Variants in POLA2 observed in about 807,000 individuals in gnomAD.
POLA2 encodes DNA polymerase alpha 2, accessory subunit.
A neutral mutation model predicts 82.8 loss-of-function variants in POLA2; 47 were observed. That is an observed-to-expected ratio of 0.57 (90% CI 0.45 to 0.72). The LOEUF (loss-of-function observed/expected upper bound fraction) is 0.72, where lower values mean the gene tolerates loss of function less well. Ranked by LOEUF, POLA2 falls within the 30% of genes least tolerant of loss-of-function variation. POLA2 has a pLI of 0.00. For missense variants in POLA2, 634 were observed against 728.1 expected, an observed-to-expected ratio of 0.87 and a Z score of 1.49; for synonymous variants, 287 against 286.8, an observed-to-expected ratio of 1.00 and a Z score of -0.01.
At chr11:65,281,258 G>C in intron 8 of POLA2, 111 bp downstream of exon 8, 1 of 1,121,626 alleles carries the variant, frequency 8.9e-7, no homozygotes, top group Non-Finnish European at 1.3e-6. Flanking sequence ...GCCATGGGGT[G>C]CAGCTGGAGC....
At chr11:65,303,879 C>T (rs1949871678) in intron 8 of POLA2, among the ~76,000 whole-genome samples, 1 of 152,202 alleles carries the variant, frequency 6.6e-6, no homozygotes, top group Non-Finnish European at 1.5e-5. Flanking sequence ...GGTTGGGGGT[C>T]TCTCCTCGGC....
chr11:65,293,349 C>G (rs1169965498), intron 13 of POLA2, among the ~76,000 whole-genome samples: 1 of 152,108 alleles, frequency 6.6e-6, no homozygotes, highest in Non-Finnish European at 1.5e-5. Flanking sequence ...GTGGCTCACA[C>G]ATGTAATCCC....
chr11:65,303,452 G>C (rs1411164073), downstream of POLA2, among the ~76,000 whole-genome samples: 1 of 152,088 alleles, frequency 6.6e-6, no homozygotes, highest in Non-Finnish European at 1.5e-5. Flanking sequence ...AGCCCAGGCA[G>C]TGGAGATTGC....
At chr11:65,276,220 C>T (rs996017518) in intron 5 of POLA2, among the ~76,000 whole-genome samples, 1 of 152,178 alleles carries the variant, frequency 6.6e-6, no homozygotes, top group Admixed American at 6.5e-5. Context: ...TCACTTTCCA[C>T]CCACTTTTCT....
intron 1 of POLA2, among the ~76,000 whole-genome samples, 157 bp downstream of exon 1, chr11:65,262,528 G>T (rs904779477): frequency 6.6e-6 from 1 of 152,188 alleles, no homozygotes; most frequent in Non-Finnish European, 1.5e-5. Context: ...TGAGTTTTGA[G>T]ATTTAGGATG....
chr11:65,271,916 A>G (rs1203408215), intron 4 of POLA2, among the ~76,000 whole-genome samples: 1 of 152,114 alleles, frequency 6.6e-6, no homozygotes, highest in Non-Finnish European at 1.5e-5. Flanking sequence ...AGCAAACAAT[A>G]TGTCCAGGCT....
intron 10 of POLA2, among the ~76,000 whole-genome samples, chr11:65,283,652 A>G (rs1949664479): frequency 6.7e-6 from 1 of 150,174 alleles, no homozygotes; most frequent in African/African-American, 2.5e-5. Context: ...TTTTTACAAA[A>G]CCCCATAGTG....
chr11:65,294,046 G>A (rs1438611292), intron 13 of POLA2, 107 bp from the exon 14 acceptor site: 9 of 879,774 alleles, frequency 1.0e-5, no homozygotes, highest in Admixed American at 1.7e-5. Flanking sequence ...TGCCTCCCTC[G>A]GGGTGGGCTC....
chr11:65,295,504 CAG>C, intron 15 of POLA2, 34 bp from the exon 16 acceptor site: 2 of 1,582,786 alleles, frequency 1.3e-6, no homozygotes, highest in Non-Finnish European at 8.7e-7. Flanking sequence ...GGCTGAAAAA[CAG>C]AGTTCTGTTT....
At chr11:65,266,444 T>A (rs1259119533) in intron 1 of POLA2, 138 bp from the exon 2 acceptor site, 4 of 824,022 alleles carry the variant, frequency 4.9e-6, no homozygotes, top group Non-Finnish European at 7.7e-6. Flanking sequence ...TTCTGTTTTC[T>A]CATTGCCCAA....
At position 65,282,540 on chromosome 11, in the gene POLA2, A is replaced by G. The variant is rs1179614097; in HGVS notation, c.1006+19A>G. The G allele has an allele frequency of 3.7e-6, 6 of 1,606,446 alleles. No individual in the cohort carries two copies. Among genetic ancestry groups the G allele is most frequent in the Non-Finnish European group, 5.1e-6 (6 of 1,173,134 alleles). On this transcript the variant is annotated intron_variant, in intron 10 of 17. Coordinates refer to ENST00000265465, the MANE Select transcript of POLA2 (RefSeq NM_002689.4). ...GATGCAGGTGAGTTTCGGTTCAAATATTGTTTTGCCAACAATGAGGATGGT... is the reference window on the plus strand; with the variant it reads ...GATGCAGGTGAGTTTCGGTTCAAATGTTGTTTTGCCAACAATGAGGATGGT...
chr11:65,281,204 G>A (rs533198509), intron 8 of POLA2, 57 bp downstream of exon 8: 127 of 1,564,354 alleles, frequency 8.1e-5, no homozygotes, highest in Non-Finnish European at 1.1e-4. Context: ...CTGTAGTGTA[G>A]GTGCTGTGCC....
rs768761497 is a variant in POLA2 at position 65,262,119 on chromosome 11, G to A, written c.-174G>A. 1.7e-6 allele frequency: 1 copy of A among 592,202 alleles called. No individual in the cohort carries two copies. The highest frequency in any genetic ancestry group is 3.0e-6 in the Non-Finnish European group (1 of 331,466). 36.7% of individuals were successfully genotyped at this position (592,202 alleles called of 1,614,324 possible). On this transcript the variant is annotated 5_prime_UTR_variant, in exon 1 of 18. Coordinates refer to ENST00000265465, the MANE Select transcript of POLA2 (RefSeq NM_002689.4). ...AAAAAGTATTTCTCTGTGACCGACGGCCGGGGCCTTCTGACGGTCTGAGGT... is the reference window on the plus strand; with the variant it reads ...AAAAAGTATTTCTCTGTGACCGACGACCGGGGCCTTCTGACGGTCTGAGGT...
intron 16 of POLA2, 76 bp from the exon 17 acceptor site, chr11:65,295,788 A>T (rs1949803822): frequency 6.5e-7 from 1 of 1,546,300 alleles, no homozygotes; most frequent in Admixed American, 1.7e-5. Context: ...CACGAAAGCC[A>T]GTACCTAGGG....
rs145657735 is a variant in POLA2 at position 65,271,935 on chromosome 11, G to A, written c.354+3206G>A. ...AACAATATGTCCAGGCTAGAGATAC[G>A]TAAAATGCTTAGAACAGTACTTATC... is the stretch of plus-strand genomic sequence containing the variant. On this transcript the variant is annotated intron_variant, in intron 4 of 17. Transcript: ENST00000265465. Among the ~76,000 whole-genome samples, 25 of 152,122 alleles carry A rather than the reference G, an allele frequency of 1.6e-4. 1 individual carries two copies. In the East Asian group the frequency reaches 2.7e-3, roughly 16 times the overall value.
At chr11:65,299,009 G>A (rs373498312), downstream of POLA2, among the ~76,000 whole-genome samples, 6 of 152,224 alleles carry the variant, frequency 3.9e-5, no homozygotes, top group African/African-American at 7.2e-5. Context: ...TCTGGCAGGC[G>A]TGCCTCTGCC....
intron 8 of POLA2, chr11:65,305,229 G>A (rs957196425): frequency 2.8e-5 from 11 of 393,584 alleles, no homozygotes; most frequent in African/African-American, 1.3e-4. Flanking sequence ...AAAGCTGCCC[G>A]GCACCACCTC....
Position 65,289,051 on chromosome 11 carries a change from T to G in POLA2, c.1133T>G (p.Phe378Cys). ...GTGTCTTTGTTTCTCCCCTTGCAGT[T>G]TGGCCCTTTCCTGGATGCTAAGCAT... is the stretch of plus-strand genomic sequence containing the variant. Reference protein sequence around the residue: ...NHDRPDVCILFGPFLDAKHEQ... With the variant: ...NHDRPDVCILCGPFLDAKHEQ... Residue 378 changes from phenylalanine to cysteine, a missense_variant and splice_region_variant, in exon 12 of 18, where the codon TTT (phenylalanine) becomes TGT (cysteine). By Grantham distance (205) the Phe-to-Cys change is radical. Transcript: ENST00000265465. 1 of 1,613,688 alleles carries G rather than the reference T, an allele frequency of 6.2e-7. No individual in the cohort carries two copies.
At chr11:65,296,905 C>T (rs1404237676) in intron 17 of POLA2, among the ~76,000 whole-genome samples, 4 of 147,402 alleles carry the variant, frequency 2.7e-5, no homozygotes, top group Admixed American at 6.8e-5. Context: ...GCTGAGATCT[C>T]ACCACTGCAC....
Sources: gnomAD v4.1 joint callset for allele counts (sites outside exome capture counted in the v4.1 genomes callset) on GRCh38, gnomAD v4.1.1 for gene constraint, MANE v1.5 for transcripts, NCBI Gene and HGNC (gene_info 2026-07-23, HGNC 2026-07-21) for gene names.